CFAP43: variants seen among roughly 807,000 people sequenced by gnomAD.
CFAP43 encodes the protein cilia and flagella associated protein 43.
Under a neutral mutation model 218.9 loss-of-function variants are expected in CFAP43, and 155 were observed. The ratio of observed to expected loss-of-function variants is 0.71; its 90% CI spans 0.62 to 0.81. The LOEUF (loss-of-function observed/expected upper bound fraction) is 0.81, where lower values mean the gene tolerates loss of function less well. Ranked by LOEUF, CFAP43 falls within the 30% of genes least tolerant of loss-of-function variation. The pLI, the probability that CFAP43 is intolerant of heterozygous loss-of-function variation, is 0.00. For synonymous variants in CFAP43, 645 were observed against 681.3 expected (o/e 0.95, Z 0.83); for missense variants, 1,778 against 1,954.3 (o/e 0.91, Z 1.70).
At chr10:104,220,179 G>A (rs2091138242) in intron 3 of CFAP43, among the ~76,000 whole-genome samples, 1 of 152,166 alleles carries the variant, frequency 6.6e-6, no homozygotes, top group Non-Finnish European at 1.5e-5. Flanking sequence ...AGGACTGCCA[G>A]CAAACAAGTG....
rs2090258959 is a variant in CFAP43 at position 104,192,486 on chromosome 10, G to A, written c.1443-184C>T. 9.1e-6 allele frequency: 5 copies of A among 549,914 alleles called. No individual in the cohort carries two copies. The Admixed American group carries it at 1.5e-4, about 17-fold the overall frequency. The allele number at this position is 549,914 out of a possible 1,614,324, so 34.1% of individuals were successfully genotyped here. A position where few individuals can be genotyped will look rare whatever the true frequency, so the allele number is the denominator to read the frequency against. On this transcript the variant is annotated intron_variant, in intron 11 of 37. Transcript: ENST00000357060. The stretch of plus-strand genomic sequence containing the variant: ...TGTGGATATAATCATTGTACTTTAG[G>A]CCAATGATATTTCCAAATTGCAACT...
intron 2 of CFAP43, 89 bp downstream of exon 2, chr10:104,230,500 CA>C: frequency 1.3e-6 from 2 of 1,491,756 alleles, no homozygotes; most frequent in Non-Finnish European, 1.8e-6. Flanking sequence ...AAAAACCTTT[CA>C]AAAAATAAAT....
chr10:104,197,291 T>A (rs1449209085), intron 9 of CFAP43, among the ~76,000 whole-genome samples: 2 of 152,188 alleles, frequency 1.3e-5, no homozygotes, highest in African/African-American at 4.8e-5. Flanking sequence ...TACTAGAACT[T>A]ATTTTTTTAG....
chr10:104,166,354 GA>G (rs2089151111), intron 23 of CFAP43, 133 bp downstream of exon 23: 1 of 670,258 alleles, frequency 1.5e-6, no homozygotes, highest in Non-Finnish European at 2.5e-6. Context: ...TTACAGGTGT[GA>G]GCCACTGTGC....
At position 104,198,005 on chromosome 10, in the gene CFAP43, G is replaced by A. The variant is rs750197775; in HGVS notation, c.1129C>T (p.Pro377Ser). ...GCATCTAGGACTTTATTTAAGGTTG[G>A]CTCCTTACCAAAAGTGTAGATATAA... ...SVYIYTFGKE[P>S]TLNKVLDACD... The change falls in exon 9 of 38, where the codon CCA (proline) becomes TCA (serine). Residue 377 changes from proline (P) to serine (S), a missense_variant. Coordinates refer to ENST00000357060, the MANE Select transcript of CFAP43 (RefSeq NM_025145.7). 7 of 1,613,088 alleles carry A rather than the reference G, an allele frequency of 4.3e-6. No homozygotes were observed. The highest frequency in any genetic ancestry group is 5.9e-6 in the Non-Finnish European group (7 of 1,179,344).
intron 20 of CFAP43, among the ~76,000 whole-genome samples, chr10:104,170,008 C>T (rs1589693640): frequency 1.3e-5 from 2 of 152,076 alleles, no homozygotes; most frequent in South Asian, 2.1e-4. Flanking sequence ...AGGGTAGTAG[C>T]CTAGTCTCTC....
chr10:104,145,513 C>T lies in CFAP43; in HGVS notation c.3907G>A (p.Val1303Met), dbSNP rs147186619. The T allele has an allele frequency of 3.5e-5, 56 of 1,604,988 alleles. No individual in the cohort carries two copies. The African/African-American group carries it at 6.8e-4, about 20-fold the overall frequency. Reference protein sequence around the residue: ...KEFSEIPGHQVDILYKLFKRR... With the variant: ...KEFSEIPGHQMDILYKLFKRR... ...TTAAAAAGTTTGTAGAGTATATCCA[C>T]TTGATGACCAGGAATTTCAGAAAAT... The change falls in exon 31 of 38, where the codon GTG becomes ATG. Residue 1303 changes from valine (V) to methionine (M), a missense_variant. Physicochemically the swap from Val to Met is conservative, Grantham distance 21. This residue lies in a region of CFAP43 where 1,553 missense variants were observed against 1,685.2 expected (regional missense o/e 0.92). Transcript: ENST00000357060.
intron 5 of CFAP43, among the ~76,000 whole-genome samples, chr10:104,211,497 C>T (rs1334089432): frequency 6.6e-6 from 1 of 152,194 alleles, no homozygotes; most frequent in African/African-American, 2.4e-5. Flanking sequence ...CTTGTTCCTC[C>T]CTCCCGGGTT....
intron 6 of CFAP43, among the ~76,000 whole-genome samples, chr10:104,206,500 T>C (rs2090693851): frequency 6.6e-6 from 1 of 152,088 alleles, no homozygotes; most frequent in Non-Finnish European, 1.5e-5. Flanking sequence ...ATGGAGTAGG[T>C]AGGATCAGAT....
chr10:104,197,852 A>C (rs1589758717), intron 9 of CFAP43, 70 bp downstream of exon 9: 5 of 1,089,122 alleles, frequency 4.6e-6, no homozygotes, highest in Admixed American at 1.9e-5. Flanking sequence ...ATAACATATA[A>C]ATGGGGATTT....
At chr10:104,169,594 G>T (rs1257647480) in intron 20 of CFAP43, among the ~76,000 whole-genome samples, 1 of 151,378 alleles carries the variant, frequency 6.6e-6, no homozygotes, top group East Asian at 1.9e-4. Context: ...TAGTCCTTAG[G>T]ATCCTCTTCA....
chr10:104,146,767 C>G (rs1029997598), intron 29 of CFAP43, among the ~76,000 whole-genome samples: 1 of 152,154 alleles, frequency 6.6e-6, no homozygotes, highest in African/African-American at 2.4e-5. Context: ...AAACCACAGC[C>G]TTTTTAAGGA....
intron 20 of CFAP43, among the ~76,000 whole-genome samples, chr10:104,171,667 C>G (rs1221462030): frequency 6.6e-6 from 1 of 152,176 alleles, no homozygotes. Context: ...TCAGAATATC[C>G]TGTGTAAAAC....
At position 104,163,939 on chromosome 10, in the gene CFAP43, C is replaced by G. The variant is rs547766048; in HGVS notation, c.3246+155G>C. Among the ~76,000 whole-genome samples the G allele has an allele frequency of 3.3e-5, 5 of 152,316 alleles. No individual in the cohort carries two copies. In the South Asian group the frequency reaches 1.0e-3, roughly 32 times the overall value. On this transcript the variant is annotated intron_variant, in intron 24 of 37. Transcript: ENST00000357060. ...CCACAGGATTCGTAAAAGAAATTCT[C>G]ATCATTGCTGAGGCTACATCATGTC...
intron 33 of CFAP43, among the ~76,000 whole-genome samples, chr10:104,141,756 T>A (rs2087716671): frequency 6.6e-6 from 1 of 152,218 alleles, no homozygotes; most frequent in South Asian, 2.1e-4. Flanking sequence ...ATAGCCTAGA[T>A]CTAAAAATGA....
intron 19 of CFAP43, among the ~76,000 whole-genome samples, chr10:104,174,039 T>C (rs1184923399): frequency 6.6e-6 from 1 of 152,218 alleles, no homozygotes; most frequent in Non-Finnish European, 1.5e-5. Flanking sequence ...GTATAAAGAC[T>C]GATGAGAGAA....
rs141332191 is a variant in CFAP43 at position 104,140,698 on chromosome 10, A to G, written c.4431+144T>C. 5,693 of 607,548 alleles carry G rather than the reference A, an allele frequency of 9.4e-3. 50 individuals carry two copies. Among genetic ancestry groups the G allele is most frequent in the Middle Eastern group, 0.04 (89 of 2,250 alleles). 37.6% of individuals were successfully genotyped at this position (607,548 alleles called of 1,614,324 possible). A position where few individuals can be genotyped will look rare whatever the true frequency, so the allele number is the denominator to read the frequency against. ...TGTGGTGGTGTGAACCTGTACTCCCAGCTACTTGGGAGGTGAAGGTGGGAG... is the reference window on the plus strand; with the variant it reads ...TGTGGTGGTGTGAACCTGTACTCCCGGCTACTTGGGAGGTGAAGGTGGGAG... On this transcript the variant is annotated intron_variant, in intron 34 of 37. Coordinates refer to ENST00000357060, the MANE Select transcript of CFAP43 (RefSeq NM_025145.7).
At chr10:104,157,409 A>C (rs1283949486) in intron 27 of CFAP43, among the ~76,000 whole-genome samples, 1 of 152,198 alleles carries the variant, frequency 6.6e-6, no homozygotes, top group Non-Finnish European at 1.5e-5. Flanking sequence ...CAAAATGTGC[A>C]CATCACAACA....
intron 35 of CFAP43, chr10:104,132,547 G>T: frequency 1.4e-6 from 1 of 691,012 alleles, no homozygotes; most frequent in South Asian, 6.5e-5. Context: ...CCCAGGAGGT[G>T]GAGGTTGTAG....
Sources: gnomAD v4.1 joint callset for allele counts (sites outside exome capture counted in the v4.1 genomes callset) on GRCh38, gnomAD v4.1.1 for gene constraint, gnomAD v4.1.1 regional missense constraint, MANE v1.5 for transcripts, NCBI Gene and HGNC (gene_info 2026-07-23, HGNC 2026-07-21) for gene names.